Variants in ALDH1A2 observed in about 807,000 individuals in gnomAD.
ALDH1A2 encodes retinal dehydrogenase 2.
ALDH1A2 carries 27 observed loss-of-function variants against 60.3 expected under a neutral mutation model. The observed-to-expected ratio is 0.45, with a 90% CI of 0.33 to 0.62. The LOEUF (loss-of-function observed/expected upper bound fraction) is 0.62. ALDH1A2 is among the 20% of genes least tolerant of loss of function. ALDH1A2 has a pLI of 0.02. For missense variants in ALDH1A2, 581 were observed against 643.8 expected, an observed-to-expected ratio of 0.90 and a Z score of 1.06; for synonymous variants, 289 against 232.4, an observed-to-expected ratio of 1.24 and a Z score of -2.21.
chr15:58,042,921 C>T (rs762650875), intron 1 of ALDH1A2, among the ~76,000 whole-genome samples: 3 of 151,948 alleles, frequency 2.0e-5, no homozygotes. Flanking sequence ...CTCACCTGGC[C>T]ACTATCAATG....
rs191063076 is a variant in ALDH1A2, at chr15:58,057,160, T to G, written c.117+8374A>C. ...ATTACTGCAATAACAAAATGCTGGA[T>G]GCATCATAAATGTCAAGAGCAGAAA... On this transcript the variant is annotated intron_variant, in intron 1 of 12. Coordinates refer to ENST00000249750, the MANE Select transcript of ALDH1A2 (RefSeq NM_003888.4). 2.6e-5 allele frequency among the ~76,000 whole-genome samples: 4 copies of G among 152,220 alleles called. No homozygotes were observed. The East Asian group carries it at 7.7e-4, about 29-fold the overall frequency.
chr15:57,988,700 T>C (rs770291033), intron 7 of ALDH1A2, among the ~76,000 whole-genome samples: 1 of 152,238 alleles, frequency 6.6e-6, no homozygotes, highest in Non-Finnish European at 1.5e-5. Flanking sequence ...TTTTATTGTA[T>C]GTAAATTATA....
chr15:58,056,845 A>G (rs1429993679), intron 1 of ALDH1A2, among the ~76,000 whole-genome samples: 5 of 152,168 alleles, frequency 3.3e-5, no homozygotes, highest in Non-Finnish European at 5.9e-5. Context: ...GCCATTTCAC[A>G]CTTACCAGGT....
At chr15:58,038,511 C>T (rs1270289728) in intron 1 of ALDH1A2, 1 of 151,790 alleles carries the variant, frequency 6.6e-6, no homozygotes, top group Non-Finnish European at 1.5e-5. Flanking sequence ...GGGTACCTAC[C>T]TATTCTACTG....
chr15:57,968,091 C>T (rs1172546343), intron 7 of ALDH1A2, among the ~76,000 whole-genome samples: 6 of 152,178 alleles, frequency 3.9e-5, no homozygotes, highest in African/African-American at 1.4e-4. Context: ...CTGAGAATGT[C>T]ATTGTGCTTG....
At chr15:58,003,405 C>G (rs897670001) in intron 4 of ALDH1A2, among the ~76,000 whole-genome samples, 1 of 151,896 alleles carries the variant, frequency 6.6e-6, no homozygotes, top group African/African-American at 2.4e-5. Context: ...ATCTTAGGAT[C>G]TGAATCACTA....
At chr15:57,994,606 T>C (rs1296388270) in intron 5 of ALDH1A2, among the ~76,000 whole-genome samples, 1 of 152,200 alleles carries the variant, frequency 6.6e-6, no homozygotes, top group Admixed American at 6.5e-5. Context: ...GTTTCAATTA[T>C]GACTGTGACG....
At chr15:58,028,194 CAGAT>C (rs1263135100) in intron 1 of ALDH1A2, among the ~76,000 whole-genome samples, 15 of 152,196 alleles carry the variant, frequency 9.9e-5, no homozygotes, top group African/African-American at 3.6e-4. Context: ...AGACTAACAG[CAGAT>C]CCCTTGGCAG....
intron 4 of ALDH1A2, among the ~76,000 whole-genome samples, chr15:57,997,653 C>G (rs747462034): frequency 6.6e-6 from 1 of 151,842 alleles, no homozygotes; most frequent in Non-Finnish European, 1.5e-5. Flanking sequence ...AGTTGTTTTA[C>G]TTAAATAATA....
chr15:58,011,836 G>C (rs533018266), intron 3 of ALDH1A2, among the ~76,000 whole-genome samples: 1 of 152,278 alleles, frequency 6.6e-6, no homozygotes, highest in Admixed American at 6.5e-5. Flanking sequence ...ATGTTTACAA[G>C]ATAGGCATTA....
At chr15:57,981,125 G>C (rs1257549187) in intron 7 of ALDH1A2, among the ~76,000 whole-genome samples, 1 of 151,926 alleles carries the variant, frequency 6.6e-6, no homozygotes, top group African/African-American at 2.4e-5. Flanking sequence ...TTATTAGTCT[G>C]GCTAGTGGTC....
chr15:58,058,236 G>C, intron 1 of ALDH1A2: 1 of 584,946 alleles, frequency 1.7e-6, no homozygotes, highest in Admixed American at 2.4e-5. Context: ...ACACATCTCA[G>C]TCTGGAAATC....
At chr15:58,046,464 A>C (rs545132729) in intron 1 of ALDH1A2, among the ~76,000 whole-genome samples, 4 of 152,130 alleles carry the variant, frequency 2.6e-5, no homozygotes, top group African/African-American at 9.6e-5. Flanking sequence ...TTAAAGATTG[A>C]GGTGATTAAT....
intron 1 of ALDH1A2, among the ~76,000 whole-genome samples, chr15:58,060,736 C>A (rs1379664107): frequency 6.6e-6 from 1 of 152,120 alleles, no homozygotes; most frequent in African/African-American, 2.4e-5. Flanking sequence ...TGAATGAGTG[C>A]AGTTGTGTTA....
At chr15:58,058,550 TAA>T (rs1344327794) in intron 1 of ALDH1A2, among the ~76,000 whole-genome samples, 1 of 150,036 alleles carries the variant, frequency 6.7e-6, no homozygotes, top group Non-Finnish European at 1.5e-5. Flanking sequence ...TAATGTAAAA[TAA>T]AATATATTAA....
At chr15:58,033,255 A>G (rs1409910006) in intron 1 of ALDH1A2, among the ~76,000 whole-genome samples, 1 of 151,960 alleles carries the variant, frequency 6.6e-6, no homozygotes, top group African/African-American at 2.4e-5. Flanking sequence ...ATTTGTATGT[A>G]TTGGGATTAT....
chr15:57,956,067 G>C (rs1893514893), intron 12 of ALDH1A2, among the ~76,000 whole-genome samples: 1 of 152,108 alleles, frequency 6.6e-6, no homozygotes, highest in South Asian at 2.1e-4. Flanking sequence ...ATCACACTGG[G>C]AGGACAAGGG....
chr15:58,007,768 C>A (rs773226816), intron 4 of ALDH1A2, among the ~76,000 whole-genome samples: 5 of 149,288 alleles, frequency 3.3e-5, no homozygotes, highest in African/African-American at 2.5e-5. Flanking sequence ...TAAAGACTAA[C>A]GGACTTTCTA....
intron 11 of ALDH1A2, 106 bp from the exon 12 acceptor site, chr15:57,960,950 CA>C: frequency 2.2e-6 from 3 of 1,356,578 alleles, no homozygotes; most frequent in Non-Finnish European, 3.1e-6. Context: ...TCCTTTCCTC[CA>C]GAGGAAAAAA....
Sources: gnomAD v4.1 joint callset for allele counts (sites outside exome capture counted in the v4.1 genomes callset) on GRCh38, gnomAD v4.1.1 for gene constraint, MANE v1.5 for transcripts, NCBI Gene and HGNC (gene_info 2026-07-23, HGNC 2026-07-21) for gene names.